The following INPP4B variants were observed in gnomAD, a reference collection of about 807,000 sequenced individuals.
INPP4B encodes inositol polyphosphate 4-phosphatase type II.
Under a neutral mutation model 122.5 loss-of-function variants are expected in INPP4B, and 55 were observed. The observed-to-expected ratio is 0.45, with a 90% confidence interval of 0.36 to 0.56. The LOEUF is 0.56. INPP4B is among the 20% of genes least tolerant of loss of function. The pLI, the probability that INPP4B is intolerant of heterozygous loss-of-function variation, is 0.00. For missense variants in INPP4B, 1,000 were observed against 1,097.7 expected, an observed-to-expected ratio of 0.91 and a Z score of 1.26; for synonymous variants, 403 against 388.7, an observed-to-expected ratio of 1.04 and a Z score of -0.43.
intron 2 of INPP4B, among the ~76,000 whole-genome samples, chr4:142,709,750 G>A (rs528492268): frequency 1.3e-5 from 2 of 152,182 alleles, no homozygotes; most frequent in South Asian, 4.1e-4. Context: ...ATGCAAGAAT[G>A]GACTAATACA....
chr4:142,702,954 G>C (rs1762008861), intron 2 of INPP4B, among the ~76,000 whole-genome samples: 1 of 152,142 alleles, frequency 6.6e-6, no homozygotes. Context: ...AGTTTATCTA[G>C]AGCACTTGCT....
At chr4:142,633,140 T>C (rs984819442) in intron 2 of INPP4B, among the ~76,000 whole-genome samples, 3 of 151,918 alleles carry the variant, frequency 2.0e-5, no homozygotes, top group African/African-American at 7.2e-5. Flanking sequence ...CAAGAAAAAT[T>C]GCTAACGACA....
chr4:142,466,187 G>A (rs1817731529), intron 2 of INPP4B, among the ~76,000 whole-genome samples: 1 of 152,192 alleles, frequency 6.6e-6, no homozygotes, highest in Non-Finnish European at 1.5e-5. Context: ...ATGAGGAAAT[G>A]TTTGGAACTT....
intron 2 of INPP4B, among the ~76,000 whole-genome samples, chr4:142,475,423 A>C (rs1234584449): frequency 2.0e-5 from 3 of 152,190 alleles, no homozygotes; most frequent in African/African-American, 7.2e-5. Flanking sequence ...TGGCAACTCA[A>C]AAAGGCAGAG....
At chr4:142,411,490 C>T (rs1804583301) in intron 5 of INPP4B, among the ~76,000 whole-genome samples, 1 of 152,168 alleles carries the variant, frequency 6.6e-6, no homozygotes, top group South Asian at 2.1e-4. Flanking sequence ...CTTATGCCCT[C>T]TACAGACACT....
intron 25 of INPP4B, 21 bp downstream of exon 25, chr4:142,082,010 C>T (rs1414950934): frequency 2.3e-6 from 3 of 1,320,182 alleles, no homozygotes; most frequent in South Asian, 4.4e-5. Flanking sequence ...AAGAAAAAAA[C>T]TTGAAAAACA....
At chr4:142,574,729 G>A (rs1281313818) in intron 2 of INPP4B, among the ~76,000 whole-genome samples, 6 of 152,084 alleles carry the variant, frequency 3.9e-5, no homozygotes, top group Non-Finnish European at 1.5e-5. Flanking sequence ...TTCTCATATC[G>A]CCATAATAAC....
intron 21 of INPP4B, among the ~76,000 whole-genome samples, chr4:142,113,333 T>C (rs899452064): frequency 6.8e-6 from 1 of 147,832 alleles, no homozygotes; most frequent in Non-Finnish European, 1.5e-5. Flanking sequence ...TACTTACATA[T>C]TTTAAAAACT....
intron 7 of INPP4B, among the ~76,000 whole-genome samples, chr4:142,371,998 G>A (rs888333140): frequency 6.6e-6 from 1 of 152,026 alleles, no homozygotes; most frequent in African/African-American, 2.4e-5. Flanking sequence ...GTTTATCACA[G>A]CACTATTCAC....
At chr4:142,343,262 G>C (rs1421640329) in intron 7 of INPP4B, among the ~76,000 whole-genome samples, 1 of 152,004 alleles carries the variant, frequency 6.6e-6, no homozygotes, top group Admixed American at 6.6e-5. Flanking sequence ...GGAGCAAAGA[G>C]GTCCCACTGA....
chr4:142,823,087 G>C (rs536561718), intron 1 of INPP4B, among the ~76,000 whole-genome samples: 89 of 152,246 alleles, frequency 5.8e-4, no homozygotes, highest in African/African-American at 2.1e-3. Flanking sequence ...AGGTAAAGAA[G>C]TGACACAAAG....
intron 23 of INPP4B, among the ~76,000 whole-genome samples, chr4:142,088,972 G>T (rs1460002698): frequency 6.6e-6 from 1 of 152,138 alleles, no homozygotes; most frequent in Admixed American, 6.5e-5. Context: ...AGAATTGGTG[G>T]GTGTTGGAGG....
At chr4:142,234,147 C>G (rs1295222345) in intron 12 of INPP4B, among the ~76,000 whole-genome samples, 1 of 152,156 alleles carries the variant, frequency 6.6e-6, no homozygotes, top group Non-Finnish European at 1.5e-5. Flanking sequence ...TTTGCACTAA[C>G]TGTTCTTCCC....
chr4:142,201,768 A>G (rs1438566889), intron 14 of INPP4B, among the ~76,000 whole-genome samples: 1 of 152,110 alleles, frequency 6.6e-6, no homozygotes, highest in Non-Finnish European at 1.5e-5. Flanking sequence ...ATAAGAAAAC[A>G]AAATTAAAAT....
At chr4:142,285,483 G>A (rs1019784739) in intron 9 of INPP4B, among the ~76,000 whole-genome samples, 14 of 152,008 alleles carry the variant, frequency 9.2e-5, no homozygotes, top group Non-Finnish European at 1.9e-4. Context: ...GGTGACCTAA[G>A]GATTGAGGCT....
At chr4:142,778,206 C>T (rs1178347211) in intron 1 of INPP4B, among the ~76,000 whole-genome samples, 1 of 152,112 alleles carries the variant, frequency 6.6e-6, no homozygotes, top group African/African-American at 2.4e-5. Flanking sequence ...AGTCTCTGAC[C>T]TAGCAATAGG....
chr4:142,291,377 G>T (rs188402428), intron 9 of INPP4B, among the ~76,000 whole-genome samples: 4 of 152,282 alleles, frequency 2.6e-5, no homozygotes, highest in Admixed American at 2.0e-4. Flanking sequence ...ACAGAACTTA[G>T]ACACAATTCC....
At chr4:142,330,395 A>C (rs1774010137) in intron 7 of INPP4B, among the ~76,000 whole-genome samples, 1 of 152,212 alleles carries the variant, frequency 6.6e-6, no homozygotes, top group African/African-American at 2.4e-5. Context: ...TAAAGTTGTG[A>C]AACATTCTTC....
intron 1 of INPP4B, among the ~76,000 whole-genome samples, chr4:142,813,411 G>C (rs1779749702): frequency 6.6e-6 from 1 of 152,078 alleles, no homozygotes; most frequent in South Asian, 2.1e-4. Flanking sequence ...GATGAACAGA[G>C]CCCAGAGTTT....
Sources: gnomAD v4.1 joint callset for allele counts (sites outside exome capture counted in the v4.1 genomes callset) on GRCh38, gnomAD v4.1.1 for gene constraint, MANE v1.5 for transcripts, NCBI Gene and HGNC (gene_info 2026-07-23, HGNC 2026-07-21) for gene names.